The following BFSP2 variants were observed in gnomAD, a reference collection of about 807,000 sequenced individuals.
The protein encoded by BFSP2 is phakinin.
Under a neutral mutation model 44.9 loss-of-function variants are expected in BFSP2, and 38 were observed. The observed-to-expected ratio is 0.85, with a 90% CI of 0.65 to 1.11. The LOEUF is 1.11. Ranked by LOEUF, BFSP2 falls within the 50% of genes least tolerant of loss-of-function variation. BFSP2 has a pLI of 0.00. For synonymous variants in BFSP2, 197 were observed against 209.9 expected (o/e 0.94, Z 0.53); for missense variants, 525 against 533.0 (o/e 0.99, Z 0.15).
intron 1 of BFSP2, among the ~76,000 whole-genome samples, chr3:133,413,188 A>T (rs555823197): frequency 6.6e-6 from 1 of 152,234 alleles, no homozygotes; most frequent in South Asian, 2.1e-4. Flanking sequence ...TGCAGTAATA[A>T]ATAAAAGTCC....
intron 4 of BFSP2, among the ~76,000 whole-genome samples, chr3:133,460,173 C>T (rs1351569466): frequency 1.2e-4 from 18 of 152,158 alleles, no homozygotes; most frequent in Admixed American, 1.2e-3. Context: ...GGAGCATCTA[C>T]CAAGGGTTCT....
At chr3:133,407,613 A>C (rs2073415159) in intron 1 of BFSP2, among the ~76,000 whole-genome samples, 1 of 152,170 alleles carries the variant, frequency 6.6e-6, no homozygotes, top group African/African-American at 2.4e-5. Context: ...GGGGACCAGC[A>C]GCCCCGCCAG....
intron 4 of BFSP2, among the ~76,000 whole-genome samples, chr3:133,452,036 A>G (rs1390955078): frequency 6.6e-6 from 1 of 152,252 alleles, no homozygotes; most frequent in Non-Finnish European, 1.5e-5. Context: ...GCTACGCAGC[A>G]GAATTATTTC....
At chr3:133,441,227 G>A (rs1395728076) in intron 1 of BFSP2, among the ~76,000 whole-genome samples, 1 of 151,954 alleles carries the variant, frequency 6.6e-6, no homozygotes, top group Non-Finnish European at 1.5e-5. Flanking sequence ...GTAGAGACTG[G>A]GTTTTGCCAT....
intron 1 of BFSP2, among the ~76,000 whole-genome samples, chr3:133,405,177 ATG>A (rs1308203142): frequency 1.3e-5 from 2 of 152,196 alleles, no homozygotes; most frequent in African/African-American, 4.8e-5. Context: ...CAGGGGGAGA[ATG>A]AAGCTGCCTG....
chr3:133,473,700 C>T (rs1050671639), intron 6 of BFSP2, among the ~76,000 whole-genome samples: 9 of 151,386 alleles, frequency 5.9e-5, no homozygotes, highest in South Asian at 2.1e-4. Context: ...TTTAACAAAG[C>T]ACATCTTGCA....
intron 1 of BFSP2, among the ~76,000 whole-genome samples, chr3:133,428,999 A>C (rs1166732861): frequency 6.6e-6 from 1 of 150,820 alleles, no homozygotes; most frequent in Non-Finnish European, 1.5e-5. Flanking sequence ...AATACTCAGC[A>C]TTGTCAACTC....
intron 1 of BFSP2, among the ~76,000 whole-genome samples, chr3:133,436,475 AAG>A (rs1282352168): frequency 1.3e-5 from 2 of 152,082 alleles, no homozygotes; most frequent in African/African-American, 4.8e-5. Context: ...TATCACAAAC[AAG>A]AGAGAGCATA....
chr3:133,401,405 T>G (rs1451552499), intron 1 of BFSP2, among the ~76,000 whole-genome samples: 1 of 152,254 alleles, frequency 6.6e-6, no homozygotes, highest in African/African-American at 2.4e-5. Context: ...TTTTATCTAA[T>G]TTTCATTAAT....
chr3:133,409,779 C>T (rs1045699782), intron 1 of BFSP2, among the ~76,000 whole-genome samples: 1 of 152,152 alleles, frequency 6.6e-6, no homozygotes, highest in African/African-American at 2.4e-5. Flanking sequence ...AAGAAGACAT[C>T]CATGTGCTGG....
intron 1 of BFSP2, among the ~76,000 whole-genome samples, chr3:133,401,521 C>G (rs191092555): frequency 4.6e-5 from 7 of 152,212 alleles, no homozygotes; most frequent in African/African-American, 1.7e-4. Flanking sequence ...TTTTCCCACT[C>G]TCCAGGGTGA....
intron 1 of BFSP2, among the ~76,000 whole-genome samples, chr3:133,417,839 C>T (rs1432991477): frequency 1.4e-5 from 2 of 145,638 alleles, no homozygotes; most frequent in African/African-American, 2.6e-5. Context: ...CCTCTCTACT[C>T]ACCCGTCCTC....
chr3:133,402,928 TC>T (rs2073374026), intron 1 of BFSP2, among the ~76,000 whole-genome samples: 2 of 152,032 alleles, frequency 1.3e-5, no homozygotes, highest in Admixed American at 1.3e-4. Flanking sequence ...CAGGAGTGAG[TC>T]ACCATGCCCA....
Position 133,421,481 on chromosome 3 carries a change from A to G in BFSP2, c.489+20909A>G, listed in dbSNP as rs57140514. Among the ~76,000 whole-genome samples the G allele has an allele frequency of 3.9e-5, 6 of 152,212 alleles. No homozygotes were observed. In the South Asian group the frequency reaches 1.0e-3, roughly 26 times the overall value. On this transcript the variant is annotated intron_variant, in intron 1 of 6. Transcript: ENST00000302334. Reference sequence around the variant, plus strand: ...CCCCCATCTCTACCTTCATTCTTCCATATGTCTGTGTCCAAATTTTCCTCT... The same window carrying G: ...CCCCCATCTCTACCTTCATTCTTCCGTATGTCTGTGTCCAAATTTTCCTCT...
At chr3:133,418,270 CA>C (rs1393068553) in intron 1 of BFSP2, among the ~76,000 whole-genome samples, 1 of 152,122 alleles carries the variant, frequency 6.6e-6, no homozygotes, top group African/African-American at 2.4e-5. Flanking sequence ...TCTTCATTCC[CA>C]CCCCCCAGGT....
At chr3:133,415,993 T>C (rs1576562593) in intron 1 of BFSP2, among the ~76,000 whole-genome samples, 12 of 97,716 alleles carry the variant, frequency 1.2e-4, no homozygotes, top group African/African-American at 1.7e-4. Flanking sequence ...ACCCCTGCCC[T>C]CTCCCTTCTA....
chr3:133,416,611 C>A (rs2073533150), intron 1 of BFSP2, among the ~76,000 whole-genome samples: 1 of 143,344 alleles, frequency 7.0e-6, no homozygotes, highest in Non-Finnish European at 1.5e-5. Flanking sequence ...CCTGCCATCT[C>A]CCCTCTACTC....
At chr3:133,435,538 T>G (rs1197036520) in intron 1 of BFSP2, among the ~76,000 whole-genome samples, 7 of 152,242 alleles carry the variant, frequency 4.6e-5, no homozygotes, top group Non-Finnish European at 8.8e-5. Context: ...TGTTTAAAAT[T>G]TCCATTGAAA....
At chr3:133,428,422 A>T (rs185356146) in intron 1 of BFSP2, among the ~76,000 whole-genome samples, 1 of 152,144 alleles carries the variant, frequency 6.6e-6, no homozygotes, top group Admixed American at 6.5e-5. Context: ...CAAATGAGCC[A>T]CAGGGCCCAG....
Sources: gnomAD v4.1 joint callset for allele counts (sites outside exome capture counted in the v4.1 genomes callset) on GRCh38, gnomAD v4.1.1 for gene constraint, MANE v1.5 for transcripts, NCBI Gene and HGNC (gene_info 2026-07-23, HGNC 2026-07-21) for gene names.